Variants in NAV2 observed in about 807,000 individuals in gnomAD.
The protein encoded by NAV2 is helicase, APC down-regulated 1.
In NAV2, 54 loss-of-function variants were observed where a neutral mutation model predicts 223.2. The observed-to-expected ratio is 0.24, with a 90% CI of 0.19 to 0.30. NAV2 has a LOEUF of 0.30. NAV2 is among the 10% of genes least tolerant of loss of function. The probability of loss-of-function intolerance (pLI) is 1.00; values close to 1 mark genes in which losing one functional copy is unlikely to be tolerated. For missense variants in NAV2, 2,806 were observed against 3,147.5 expected, an observed-to-expected ratio of 0.89 and a Z score of 2.60; for synonymous variants, 1,279 against 1,239.3, an observed-to-expected ratio of 1.03 and a Z score of -0.67.
intron 22 of NAV2, among the ~76,000 whole-genome samples, chr11:20,068,875 CTGTT>C (rs993724913): frequency 7.9e-5 from 12 of 152,180 alleles, no homozygotes; most frequent in South Asian, 4.1e-4. Flanking sequence ...AATTCAACAA[CTGTT>C]TGAGTGCCAG....
At chr11:19,586,766 G>A (rs914438461) in intron 1 of NAV2, among the ~76,000 whole-genome samples, 7 of 152,320 alleles carry the variant, frequency 4.6e-5, no homozygotes, top group Admixed American at 6.5e-5. Flanking sequence ...GTACGCAGCC[G>A]TGTAAGGGTC....
rs567988852 is a variant in NAV2, at chr11:19,655,231, T to G, written c.76-177253T>G. On this transcript the variant is annotated intron_variant, in intron 1 of 37. Coordinates refer to the NAV2 transcript ENST00000360655. ...CAGTTAGAATGGCGATCATTAAAAA[T>G]TCAGGAAACAACAGGTGCTAGAGAG... is the stretch of plus-strand genomic sequence containing the variant. Among the ~76,000 whole-genome samples, 334 of 152,180 alleles carry G rather than the reference T, an allele frequency of 2.2e-3. 1 individual carries two copies. Among genetic ancestry groups the G allele is most frequent in the African/African-American group, 6.9e-3 (286 of 41,530 alleles).
intron 1 of NAV2, among the ~76,000 whole-genome samples, chr11:19,423,263 T>C (rs1368698103): frequency 2.6e-5 from 4 of 152,262 alleles, no homozygotes; most frequent in Non-Finnish European, 5.9e-5. Context: ...AGAGCTGTTG[T>C]ATAGATTAAA....
chr11:19,411,772 G>A (rs756272018), intron 1 of NAV2, among the ~76,000 whole-genome samples: 2 of 152,120 alleles, frequency 1.3e-5, no homozygotes, highest in Non-Finnish European at 2.9e-5. Context: ...GCTTCAATTT[G>A]TGAAGCATCT....
In NAV2 at chr11:19,618,116, G is replaced by C. The variant is rs113734347; in HGVS notation, c.76-214368G>C. Among the ~76,000 whole-genome samples the C allele has an allele frequency of 5.5e-3, 843 of 152,300 alleles. 8 individuals are homozygous for C. Among genetic ancestry groups the C allele is most frequent in the Non-Finnish European group, 9.6e-3 (650 of 68,036 alleles). On this transcript the variant is annotated intron_variant, in intron 1 of 37. Coordinates refer to the NAV2 transcript ENST00000360655. Reference sequence around the variant, plus strand: ...CCTCCCTAGACTATAAGACCCATAAGGCAGATATTTTTGTCTGATTTTATT... The same window carrying C: ...CCTCCCTAGACTATAAGACCCATAACGCAGATATTTTTGTCTGATTTTATT...
chr11:19,930,632 C>T (rs776493511), intron 6 of NAV2, among the ~76,000 whole-genome samples: 4 of 152,102 alleles, frequency 2.6e-5, no homozygotes, highest in Non-Finnish European at 4.4e-5. Context: ...GTTTTTTCAT[C>T]GATGGATCCC....
At chr11:19,738,744 T>G (rs1390448712) in intron 1 of NAV2, among the ~76,000 whole-genome samples, 2 of 152,178 alleles carry the variant, frequency 1.3e-5, no homozygotes, top group Non-Finnish European at 2.9e-5. Context: ...AAAGGTGTTT[T>G]AATGACAGCA....
intron 1 of NAV2, among the ~76,000 whole-genome samples, chr11:19,462,935 A>C (rs1297536663): frequency 6.6e-6 from 1 of 152,218 alleles, no homozygotes; most frequent in Non-Finnish European, 1.5e-5. Context: ...ACAGAGTCCA[A>C]AATTTGGCAC....
intron 1 of NAV2, among the ~76,000 whole-genome samples, chr11:19,491,178 G>A (rs891814463): frequency 6.6e-6 from 1 of 152,064 alleles, no homozygotes; most frequent in South Asian, 2.1e-4. Context: ...GGATTTTCAG[G>A]GTAGTAAATG....
At chr11:19,870,118 A>AC (rs1842160325) in intron 4 of NAV2, among the ~76,000 whole-genome samples, 1 of 152,164 alleles carries the variant, frequency 6.6e-6, no homozygotes, top group Non-Finnish European at 1.5e-5. Flanking sequence ...GCACGGCCAC[A>AC]CTGCTTCCAG....
chr11:19,781,674 T>C (rs1157083068), intron 1 of NAV2, among the ~76,000 whole-genome samples: 1 of 151,674 alleles, frequency 6.6e-6, no homozygotes, highest in Admixed American at 6.6e-5. Context: ...GTTATATTGC[T>C]CCCTCCCAAA....
chr11:19,416,022 C>T (rs1349771441), intron 1 of NAV2, among the ~76,000 whole-genome samples: 5 of 152,156 alleles, frequency 3.3e-5, no homozygotes, highest in African/African-American at 4.8e-5. Flanking sequence ...GCATTCCCTT[C>T]GAAAACCCAC....
intron 1 of NAV2, among the ~76,000 whole-genome samples, chr11:19,581,417 C>T (rs781674764): frequency 1.3e-5 from 2 of 152,016 alleles, no homozygotes; most frequent in Admixed American, 6.6e-5. Context: ...ATGAGCACAA[C>T]GTGCAGGTTT....
chr11:19,407,621 G>A (rs1250228812), intron 1 of NAV2, among the ~76,000 whole-genome samples: 2 of 151,466 alleles, frequency 1.3e-5, no homozygotes, highest in African/African-American at 4.9e-5. Context: ...GCCAGCCACT[G>A]AGGCCCTGTG....
At position 19,447,774 on chromosome 11, in the gene NAV2, C is replaced by CGTGCTGCTTCTGGAGAA. The variant is rs1301453648; in HGVS notation, c.75+96760_75+96776dup. 2.8e-4 allele frequency among the ~76,000 whole-genome samples: 43 copies of CGTGCTGCTTCTGGAGAA among 152,254 alleles called. 1 individual carries two copies. Among genetic ancestry groups the CGTGCTGCTTCTGGAGAA allele is most frequent in the Admixed American group, 2.7e-3 (41 of 15,296 alleles). ...GGTAGAACTGGGTTGACTTGTAAGA[C>CGTGCTGCTTCTGGAGAA]GTGCTGCTTCTGGAGAAGTGCTGCT... On this transcript the variant is annotated intron_variant, in intron 1 of 37. Coordinates refer to the NAV2 transcript ENST00000360655.
In NAV2 at chr11:19,934,184, C is replaced by A; in HGVS notation, c.1940C>A (p.Thr647Asn). The A allele has an allele frequency of 1.2e-6, 2 of 1,614,112 alleles. No homozygotes were observed. ...AGTGGGTCTGTCGGGACCACCCAGA[C>A]CACAGGAAGCAATACCGTCAGTGTT... ...TVSGSVGTTQ[T>N]TGSNTVSVQL... Residue 647 changes from threonine to asparagine, a missense_variant, in exon 7 of 38, where the codon ACC becomes AAC. By Grantham distance (65) the Thr-to-Asn change is moderately conservative (BLOSUM62 0). This residue lies in a region of NAV2 where 1,167 missense variants were observed against 1,180.5 expected (regional missense o/e 0.99). Transcript: ENST00000349880.
chr11:19,982,187 T>G (rs1452562711), intron 10 of NAV2, among the ~76,000 whole-genome samples: 1 of 152,228 alleles, frequency 6.6e-6, no homozygotes, highest in Non-Finnish European at 1.5e-5. Context: ...TTATTGAGAT[T>G]TAATTCATAT....
At chr11:19,902,139 G>A (rs1249783290) in intron 6 of NAV2, among the ~76,000 whole-genome samples, 7 of 152,136 alleles carry the variant, frequency 4.6e-5, no homozygotes, top group Admixed American at 6.5e-5. Flanking sequence ...CCTGAGTGAC[G>A]TGCCCAACTG....
chr11:19,929,940 G>C (rs2045165555), intron 6 of NAV2, among the ~76,000 whole-genome samples: 1 of 152,024 alleles, frequency 6.6e-6, no homozygotes, highest in Non-Finnish European at 1.5e-5. Context: ...CTCTTCAGAG[G>C]GAATTAGTAG....
Sources: allele counts gnomAD v4.1 joint callset (sites outside exome capture counted in the v4.1 genomes callset), GRCh38; gene constraint gnomAD v4.1.1; regional missense constraint gnomAD v4.1.1; transcripts MANE v1.5; gene names NCBI Gene and HGNC (gene_info 2026-07-23, HGNC 2026-07-21).